BAIAP2: variants seen among roughly 807,000 people sequenced by gnomAD.
BAIAP2 encodes BAR/IMD domain-containing adapter protein 2.
In BAIAP2, 18 loss-of-function variants were observed where a neutral mutation model predicts 63.0. The ratio of observed to expected loss-of-function variants is 0.29; its 90% CI spans 0.20 to 0.42. The LOEUF is 0.42. BAIAP2 is among the 10% of genes least tolerant of loss of function. The pLI, the probability that BAIAP2 is intolerant of heterozygous loss-of-function variation, is 1.00. For synonymous variants in BAIAP2, 386 were observed against 307.6 expected, an observed-to-expected ratio of 1.25 and a Z score of -2.67; for missense variants, 610 against 734.3, an observed-to-expected ratio of 0.83 and a Z score of 1.96.
chr17:81,058,013 C>A, intron 3 of BAIAP2, 46 bp downstream of exon 3: 1 of 1,356,846 alleles, frequency 7.4e-7, no homozygotes, highest in Non-Finnish European at 1.0e-6. Context: ...CTGATGCCCT[C>A]AGGCAGCTCT....
chr17:81,055,888 TG>T (rs1165624599), intron 2 of BAIAP2, among the ~76,000 whole-genome samples: 1 of 151,956 alleles, frequency 6.6e-6, no homozygotes, highest in African/African-American at 2.4e-5. Context: ...TTCATGACAG[TG>T]GAGATGCTTG....
Position 81,057,969 on chromosome 17 carries a change from T to TGGGGGGGGGGG in BAIAP2, c.217+3_217+4insGGGGGGGGGGG. 5 of 964,838 alleles carry TGGGGGGGGGGG rather than the reference T, an allele frequency of 5.2e-6. No individual in the cohort carries two copies. The highest frequency in any genetic ancestry group is 5.6e-6 in the Non-Finnish European group (4 of 713,564). The allele number at this position is 964,838 out of a possible 1,614,324, so 59.8% of individuals were successfully genotyped here. A position where few individuals can be genotyped will look rare whatever the true frequency, so the allele number is the denominator to read the frequency against. ...AGAGCCAGGGCTCCAAAGAACTCGG[T>TGGGGGGGGGGG]GAGACCCCCCCCCCCCCCCCGCCTG... is the stretch of plus-strand genomic sequence containing the variant. On this transcript the variant is annotated splice_region_variant and intron_variant, in intron 3 of 13. Transcript: ENST00000428708.
At chr17:81,079,649 G>A (rs1015643806) in intron 3 of BAIAP2, among the ~76,000 whole-genome samples, 5 of 152,130 alleles carry the variant, frequency 3.3e-5, no homozygotes, top group Non-Finnish European at 7.4e-5. Flanking sequence ...CTGAGGCGTG[G>A]CCACCTGCTT....
At chr17:81,099,790 C>A (rs963840538) in intron 6 of BAIAP2, 138 bp from the exon 7 acceptor site, 3 of 982,064 alleles carry the variant, frequency 3.1e-6, no homozygotes, top group African/African-American at 3.3e-5. Flanking sequence ...TCCTGAGTGG[C>A]CGCAGATGCT....
At position 81,046,306 on chromosome 17, in the gene BAIAP2, C is replaced by T. The variant is rs115791363; in HGVS notation, c.55-7362C>T. Among the ~76,000 whole-genome samples the T allele has an allele frequency of 2.6e-3, 399 of 152,238 alleles. No homozygotes were observed. The highest frequency in any genetic ancestry group is 8.9e-3 in the African/African-American group (371 of 41,538). On this transcript the variant is annotated intron_variant, in intron 1 of 13. Coordinates refer to ENST00000428708, the MANE Select transcript of BAIAP2 (RefSeq NM_001144888.2). This position sits in a 1 kb window ranked among gnomAD's most constrained non-coding sequence, Gnocchi z 4.5. ...TGTACATGTGTTTGTAGTTTGTCTC[C>T]GACTCAAACCAAGTAAGATGCAGTT... is the stretch of plus-strand genomic sequence containing the variant.
intron 6 of BAIAP2, chr17:81,098,083 G>A (rs989404636): frequency 7.5e-7 from 1 of 1,326,382 alleles, no homozygotes. Flanking sequence ...CAGGCCAGCT[G>A]GGGTCATGGA....
At chr17:81,077,019 C>CTTG (rs1005246331) in intron 3 of BAIAP2, among the ~76,000 whole-genome samples, 1 of 152,102 alleles carries the variant, frequency 6.6e-6, no homozygotes, top group Non-Finnish European at 1.5e-5. Context: ...ATGGATGGAG[C>CTTG]TTGAAGACAT....
intron 13 of BAIAP2, chr17:81,110,871 A>G: frequency 6.2e-7 from 1 of 1,613,036 alleles, no homozygotes; most frequent in Non-Finnish European, 8.5e-7. Context: ...CCGAGTCCTC[A>G]GACCCCATGC....
chr17:81,109,382 A>G (rs2059609720), intron 13 of BAIAP2: 1 of 1,012,052 alleles, frequency 9.9e-7, no homozygotes, highest in Non-Finnish European at 1.2e-6. Context: ...TAAAAAAAAA[A>G]AAAAAAAAAA....
chr17:81,089,668 CTGTCTGCG>C (rs1276391218), intron 6 of BAIAP2, among the ~76,000 whole-genome samples: 12 of 152,166 alleles, frequency 7.9e-5, no homozygotes, highest in African/African-American at 2.7e-4. Context: ...GCCTTACAGG[CTGTCTGCG>C]TCCTGATGGG....
At chr17:81,095,773 GGT>G (rs2057514208) in intron 6 of BAIAP2, among the ~76,000 whole-genome samples, 1 of 152,100 alleles carries the variant, frequency 6.6e-6, no homozygotes, top group East Asian at 1.9e-4. Context: ...ACTTCCCCTG[GGT>G]TTCTCTTGTG....
intron 1 of BAIAP2, among the ~76,000 whole-genome samples, chr17:81,043,119 G>A (rs965612337): frequency 6.6e-5 from 10 of 152,094 alleles, no homozygotes; most frequent in African/African-American, 2.2e-4. Context: ...CTCCCACCTC[G>A]GCCTCCCAGA....
intron 9 of BAIAP2, 134 bp downstream of exon 9, chr17:81,104,242 G>A (rs2058852859): frequency 4.9e-6 from 5 of 1,026,260 alleles, no homozygotes; most frequent in Admixed American, 4.5e-5. Context: ...GTACCTACAT[G>A]CATGTGGTAC....
intron 1 of BAIAP2, among the ~76,000 whole-genome samples, chr17:81,045,821 A>G (rs537738688): frequency 1.7e-4 from 26 of 152,136 alleles, no homozygotes; most frequent in South Asian, 4.1e-4. Context: ...AGTCTGGGTC[A>G]GCCAGGCCAC....
At chr17:81,068,187 G>A (rs930514320) in intron 3 of BAIAP2, among the ~76,000 whole-genome samples, 2 of 152,228 alleles carry the variant, frequency 1.3e-5, no homozygotes, top group Admixed American at 1.3e-4. Flanking sequence ...GGTGCTCTCA[G>A]GGCGGCCTCT....
At chr17:81,101,069 T>C (rs995952487) in intron 7 of BAIAP2, among the ~76,000 whole-genome samples, 1 of 151,284 alleles carries the variant, frequency 6.6e-6, no homozygotes, top group African/African-American at 2.4e-5. Context: ...CCTGCGGCCC[T>C]GTGTCTCCCG....
At chr17:81,055,791 T>A (rs1470498518) in intron 2 of BAIAP2, among the ~76,000 whole-genome samples, 1 of 151,890 alleles carries the variant, frequency 6.6e-6, no homozygotes, top group Non-Finnish European at 1.5e-5. Flanking sequence ...GGTCTCGATC[T>A]CCTGACCTCG....
At chr17:81,101,160 C>A (rs2058436708) in intron 7 of BAIAP2, among the ~76,000 whole-genome samples, 1 of 152,170 alleles carries the variant, frequency 6.6e-6, no homozygotes, top group South Asian at 2.1e-4. Flanking sequence ...CCCTGTGTTT[C>A]CGGCATCCCC....
In BAIAP2 at chr17:81,108,936, G is replaced by A. The variant is rs1161443580; in HGVS notation, c.1535+427G>A. ...GCCTGTGGCTGGGCAGCGTCGTGCA[G>A]CCAGGCAGCCGTCCTGTGCTTTGTT... On this transcript the variant is annotated intron_variant, in intron 13 of 13. Coordinates refer to ENST00000428708, the MANE Select transcript of BAIAP2 (RefSeq NM_001144888.2). The A allele has an allele frequency of 1.9e-6, 3 of 1,541,992 alleles. No individual in the cohort carries two copies. The East Asian group carries it at 7.4e-5, about 38-fold the overall frequency.
Sources: gnomAD v4.1 joint callset for allele counts (sites outside exome capture counted in the v4.1 genomes callset) on GRCh38, gnomAD v4.1.1 for gene constraint, Gnocchi (gnomAD v3.1) non-coding constraint, MANE v1.5 for transcripts, NCBI Gene and HGNC (gene_info 2026-07-23, HGNC 2026-07-21) for gene names.